Variants in ZFHX3 observed in about 807,000 individuals in gnomAD.
The protein encoded by ZFHX3 is zinc finger homeobox 3.
ZFHX3 carries 42 observed loss-of-function variants against 279.1 expected under a neutral mutation model. That is an observed-to-expected ratio of 0.15 (90% confidence interval 0.12 to 0.19). ZFHX3 has a LOEUF of 0.19. Among genes scored for constraint, ZFHX3 ranks in the 10% least tolerant of loss-of-function variants. The pLI is 1.00. For missense variants in ZFHX3, 4,981 were observed against 4,754.0 expected, an observed-to-expected ratio of 1.05 and a Z score of -1.40; for synonymous variants, 2,293 against 1,957.8, an observed-to-expected ratio of 1.17 and a Z score of -4.52.
At chr16:72,968,351 T>C (rs1376267464) in intron 1 of ZFHX3, among the ~76,000 whole-genome samples, 7 of 152,158 alleles carry the variant, frequency 4.6e-5, no homozygotes, top group Admixed American at 4.6e-4. Context: ...ATGAACGTTA[T>C]GCATAATCTG....
intron 2 of ZFHX3, among the ~76,000 whole-genome samples, chr16:73,593,578 A>AGGAG (rs896734343): frequency 4.2e-4 from 55 of 130,608 alleles, no homozygotes; most frequent in South Asian, 1.2e-3. Flanking sequence ...GAAGAAAAGA[A>AGGAG]GGAGGGAGGG....
intron 5 of ZFHX3, among the ~76,000 whole-genome samples, chr16:73,189,868 A>T (rs1236490447): frequency 6.6e-6 from 1 of 152,148 alleles, no homozygotes; most frequent in Non-Finnish European, 1.5e-5. Context: ...CTGAGGCAGG[A>T]GGGTCACCTG....
intron 3 of ZFHX3, among the ~76,000 whole-genome samples, chr16:73,331,179 G>C (rs1040339638): frequency 8.5e-5 from 13 of 152,300 alleles, no homozygotes; most frequent in Non-Finnish European, 1.3e-4. Context: ...GAGTGAAGCG[G>C]GGAAAGCCCC....
At chr16:72,972,531 C>G (rs1490033848) in intron 1 of ZFHX3, among the ~76,000 whole-genome samples, 1 of 152,132 alleles carries the variant, frequency 6.6e-6, no homozygotes, top group Non-Finnish European at 1.5e-5. Flanking sequence ...GCAGTGGAAC[C>G]AACTATGCGG....
At chr16:73,577,869 T>C (rs1371249457) in intron 2 of ZFHX3, among the ~76,000 whole-genome samples, 6 of 152,242 alleles carry the variant, frequency 3.9e-5, no homozygotes, top group African/African-American at 1.2e-4. Flanking sequence ...AGAAACGTCA[T>C]AGTTACAAAC....
At chr16:73,551,613 C>A (rs11149882) in intron 2 of ZFHX3, among the ~76,000 whole-genome samples, 1 of 152,036 alleles carries the variant, frequency 6.6e-6, no homozygotes, top group African/African-American at 2.4e-5. Flanking sequence ...TCTGGAACCT[C>A]TAGAGCTGGC....
At chr16:73,728,829 AC>A (rs1290775470) in intron 1 of ZFHX3, among the ~76,000 whole-genome samples, 62 of 151,802 alleles carry the variant, frequency 4.1e-4, no homozygotes, top group African/African-American at 1.3e-3. Flanking sequence ...ACACACACAC[AC>A]ACACACACAC....
At chr16:72,830,485 G>A (rs1567537582) in intron 4 of ZFHX3, among the ~76,000 whole-genome samples, 1 of 152,262 alleles carries the variant, frequency 6.6e-6, no homozygotes, top group Non-Finnish European at 1.5e-5. Flanking sequence ...GTGGTGGGAA[G>A]TGAGATTTGT....
Position 72,913,248 on chromosome 16 carries a change from T to C in ZFHX3, c.3217-23286A>G, listed in dbSNP as rs1008923. Among the ~76,000 whole-genome samples the C allele has an allele frequency of 1.4e-3, 216 of 152,344 alleles. 9 individuals carry two copies. In the South Asian group the frequency reaches 0.044, roughly 31 times the overall value. On this transcript the variant is annotated intron_variant, in intron 3 of 9. Coordinates refer to ENST00000268489, the MANE Select transcript of ZFHX3 (RefSeq NM_006885.4). ...AATACTATGACCAAGCTACAGACTT[T>C]ATTCAGATGCCACCAGTTTTTCTAC...
intron 3 of ZFHX3, among the ~76,000 whole-genome samples, chr16:73,356,508 G>A (rs1024440585): frequency 3.9e-5 from 6 of 151,938 alleles, no homozygotes; most frequent in Admixed American, 6.6e-5. Flanking sequence ...CCCTCACGGC[G>A]GTGACACATG....
chr16:73,686,752 A>G (rs983143285), intron 1 of ZFHX3, among the ~76,000 whole-genome samples: 4 of 152,000 alleles, frequency 2.6e-5, no homozygotes, highest in Non-Finnish European at 5.9e-5. Flanking sequence ...TGTGAGACCC[A>G]CTAGAATAGC....
chr16:73,368,441 G>C (rs2016568313), intron 3 of ZFHX3, among the ~76,000 whole-genome samples: 1 of 152,010 alleles, frequency 6.6e-6, no homozygotes, highest in Admixed American at 6.6e-5. Flanking sequence ...CTTTTTCTAG[G>C]TTCTAGCTGA....
intron 5 of ZFHX3, among the ~76,000 whole-genome samples, chr16:73,176,734 G>A (rs1352737174): frequency 1.3e-5 from 2 of 151,068 alleles, no homozygotes; most frequent in African/African-American, 4.9e-5. Context: ...GTGATAAAAT[G>A]TAGGCTAGAC....
At chr16:73,088,107 C>T (rs527245632) in intron 8 of ZFHX3, among the ~76,000 whole-genome samples, 15 of 152,048 alleles carry the variant, frequency 9.9e-5, no homozygotes, top group African/African-American at 3.4e-4. Flanking sequence ...GGATTATAGG[C>T]GTGAACCACT....
intron 1 of ZFHX3, among the ~76,000 whole-genome samples, chr16:73,885,128 G>T (rs746169754): frequency 2.0e-4 from 31 of 152,056 alleles, no homozygotes; most frequent in Non-Finnish European, 4.1e-4. Flanking sequence ...GTTTGGGGTG[G>T]ACTGGCCAAC....
At chr16:73,461,442 C>G (rs1400562639) in intron 2 of ZFHX3, among the ~76,000 whole-genome samples, 1 of 152,144 alleles carries the variant, frequency 6.6e-6, no homozygotes, top group Non-Finnish European at 1.5e-5. Context: ...TTTTATGTGT[C>G]AAGTCCAACA....
intron 1 of ZFHX3, among the ~76,000 whole-genome samples, chr16:73,020,547 T>C (rs1378699721): frequency 2.0e-5 from 3 of 152,202 alleles, no homozygotes; most frequent in East Asian, 3.8e-4. Flanking sequence ...AACCACTGTG[T>C]AGCCAGCTGC....
At chr16:73,117,343 G>A (rs955122950) in intron 7 of ZFHX3, among the ~76,000 whole-genome samples, 2 of 152,100 alleles carry the variant, frequency 1.3e-5, no homozygotes, top group African/African-American at 4.8e-5. Flanking sequence ...ATACCAATAT[G>A]CACATGCATA....
chr16:73,000,730 C>T (rs1350860781), intron 1 of ZFHX3, among the ~76,000 whole-genome samples: 2 of 152,220 alleles, frequency 1.3e-5, no homozygotes, highest in Non-Finnish European at 2.9e-5. Flanking sequence ...CCAGCAGACA[C>T]TCCAAAGCCT....
Sources: gnomAD v4.1 joint callset for allele counts (sites outside exome capture counted in the v4.1 genomes callset) on GRCh38, gnomAD v4.1.1 for gene constraint, MANE v1.5 for transcripts, NCBI Gene and HGNC (gene_info 2026-07-23, HGNC 2026-07-21) for gene names.